The following TMEM117 variants were observed in gnomAD, a reference collection of about 807,000 sequenced individuals.
TMEM117 encodes transmembrane protein 117.
A neutral mutation model predicts 52.4 loss-of-function variants in TMEM117; 27 were observed. That is an observed-to-expected ratio of 0.51 (90% CI 0.38 to 0.71). The LOEUF (loss-of-function observed/expected upper bound fraction) is 0.71, where lower values mean the gene tolerates loss of function less well. TMEM117 is among the 30% of genes least tolerant of loss of function. The pLI, the probability that TMEM117 is intolerant of heterozygous loss-of-function variation, is 0.00. For missense variants in TMEM117, 556 were observed against 630.5 expected (o/e 0.88, Z 1.26); for synonymous variants, 215 against 206.3 (o/e 1.04, Z -0.36).
At chr12:44,018,798 C>T (rs781764473) in intron 3 of TMEM117, among the ~76,000 whole-genome samples, 2 of 151,454 alleles carry the variant, frequency 1.3e-5, no homozygotes, top group African/African-American at 2.4e-5. Flanking sequence ...TGGCTCACTG[C>T]AACCTCCGCT....
At chr12:44,225,945 T>C (rs990551882) in intron 5 of TMEM117, among the ~76,000 whole-genome samples, 23 of 152,158 alleles carry the variant, frequency 1.5e-4, no homozygotes. Context: ...GTGAGATAGA[T>C]GTTACAATCA....
chr12:44,180,129 TG>T (rs1439814776), intron 4 of TMEM117, among the ~76,000 whole-genome samples: 2 of 152,152 alleles, frequency 1.3e-5, no homozygotes, highest in Admixed American at 1.3e-4. Context: ...CCAAAAAATG[TG>T]GCCCCTGACT....
rs1947779015 is a variant in TMEM117 at position 44,097,117 on chromosome 12, C to A, written c.411-46408C>A. Among the ~76,000 whole-genome samples, 4 of 152,138 alleles carry A rather than the reference C, an allele frequency of 2.6e-5. No homozygotes were observed. The South Asian group carries it at 6.2e-4, about 24-fold the overall frequency. ...CAGCCAAAAAACACATGAAAAAATG[C>A]TCATCATCACTGGCCATCAGAGAAA... is the stretch of plus-strand genomic sequence containing the variant. On this transcript the variant is annotated intron_variant, in intron 3 of 7. Transcript: ENST00000266534.
At chr12:44,007,234 G>T (rs901481227) in intron 3 of TMEM117, among the ~76,000 whole-genome samples, 2 of 152,072 alleles carry the variant, frequency 1.3e-5, no homozygotes, top group Non-Finnish European at 2.9e-5. Flanking sequence ...CAGATTGTCA[G>T]ATTAAGAATA....
chr12:44,245,935 G>A (rs1039227177), intron 5 of TMEM117, among the ~76,000 whole-genome samples: 23 of 151,990 alleles, frequency 1.5e-4, no homozygotes, highest in Non-Finnish European at 2.9e-4. Context: ...AAATAACTCC[G>A]TATGGGAATT....
At chr12:43,835,631 C>T (rs1943013229), upstream of TMEM117, among the ~76,000 whole-genome samples, 1 of 152,162 alleles carries the variant, frequency 6.6e-6, no homozygotes, top group Non-Finnish European at 1.5e-5. Context: ...AGATTGCTTT[C>T]GAAAGTTTGT....
At chr12:44,269,575 C>A (rs1167746351) in intron 5 of TMEM117, among the ~76,000 whole-genome samples, 3 of 151,738 alleles carry the variant, frequency 2.0e-5, no homozygotes, top group Admixed American at 6.6e-5. Flanking sequence ...CCTTCCTCAT[C>A]GTCTACATTT....
intron 3 of TMEM117, among the ~76,000 whole-genome samples, chr12:44,128,646 T>C (rs1050780627): frequency 6.6e-6 from 1 of 152,158 alleles, no homozygotes; most frequent in Non-Finnish European, 1.5e-5. Flanking sequence ...AAGCTTCTTG[T>C]TCCTGAGTTG....
chr12:43,875,941 T>C (rs1344186541), intron 2 of TMEM117, among the ~76,000 whole-genome samples: 1 of 152,234 alleles, frequency 6.6e-6, no homozygotes, highest in Non-Finnish European at 1.5e-5. Flanking sequence ...CACTTATTCA[T>C]ATGGAATAAT....
At chr12:44,036,180 C>T (rs904762488) in intron 3 of TMEM117, among the ~76,000 whole-genome samples, 6 of 152,148 alleles carry the variant, frequency 3.9e-5, no homozygotes, top group Non-Finnish European at 5.9e-5. Context: ...TTGCTATATA[C>T]ATTATCCTTT....
At chr12:44,032,101 C>A (rs1437704008) in intron 3 of TMEM117, among the ~76,000 whole-genome samples, 1 of 152,128 alleles carries the variant, frequency 6.6e-6, no homozygotes, top group Non-Finnish European at 1.5e-5. Context: ...TGGTACAAAC[C>A]CATGGCTGTG....
intron 3 of TMEM117, among the ~76,000 whole-genome samples, chr12:44,043,379 G>C (rs1289306741): frequency 6.6e-6 from 1 of 152,180 alleles, no homozygotes; most frequent in African/African-American, 2.4e-5. Context: ...GTTAAAGTGA[G>C]GTCATTGATT....
intron 2 of TMEM117, among the ~76,000 whole-genome samples, chr12:43,906,978 C>T (rs927287937): frequency 6.6e-6 from 1 of 152,200 alleles, no homozygotes; most frequent in Non-Finnish European, 1.5e-5. Context: ...GAAGCTTGAA[C>T]TGGGTGGAGG....
chr12:44,205,170 C>T (rs1043214839), intron 4 of TMEM117, among the ~76,000 whole-genome samples: 4 of 152,154 alleles, frequency 2.6e-5, no homozygotes, highest in African/African-American at 9.7e-5. Context: ...ATTGTAATAA[C>T]CCTCACATGT....
intron 3 of TMEM117, among the ~76,000 whole-genome samples, chr12:44,099,440 T>A (rs1947826006): frequency 6.6e-6 from 1 of 152,082 alleles, no homozygotes; most frequent in Non-Finnish European, 1.5e-5. Context: ...CATAAGATGG[T>A]AAAAATACTT....
intron 3 of TMEM117, among the ~76,000 whole-genome samples, chr12:44,050,430 G>T (rs1467444127): frequency 1.3e-5 from 2 of 152,178 alleles, no homozygotes; most frequent in Non-Finnish European, 2.9e-5. Context: ...GCCTGCCTCA[G>T]CCTCCCAAAG....
At chr12:43,824,631 G>A in the TMEM117 span, among the ~76,000 whole-genome samples, 4 of 152,202 alleles carry the variant, frequency 2.6e-5, no homozygotes, top group African/African-American at 9.7e-5. Flanking sequence ...GAAGGCAGCT[G>A]CTGAGCTAAG....
At chr12:44,033,682 C>A (rs1390925357) in intron 3 of TMEM117, among the ~76,000 whole-genome samples, 1 of 152,208 alleles carries the variant, frequency 6.6e-6, no homozygotes, top group Non-Finnish European at 1.5e-5. Context: ...TTTGGATAAT[C>A]ATCTTAATCC....
At chr12:44,359,643 A>G (rs1250226434) in intron 6 of TMEM117, among the ~76,000 whole-genome samples, 1 of 152,086 alleles carries the variant, frequency 6.6e-6, no homozygotes, top group Non-Finnish European at 1.5e-5. Flanking sequence ...CTTTATGCAT[A>G]TGGATCTTTT....
Sources: gnomAD v4.1 joint callset for allele counts (sites outside exome capture counted in the v4.1 genomes callset) on GRCh38, gnomAD v4.1.1 for gene constraint, MANE v1.5 for transcripts, NCBI Gene and HGNC (gene_info 2026-07-23, HGNC 2026-07-21) for gene names.